Variants in SOX6 observed in about 807,000 individuals in gnomAD.
The protein encoded by SOX6 is transcription factor SOX-6.
SOX6 carries 11 observed loss-of-function variants against 97.8 expected under a neutral mutation model. The ratio of observed to expected loss-of-function variants is 0.11; its 90% confidence interval spans 0.07 to 0.19. The LOEUF (loss-of-function observed/expected upper bound fraction) is 0.19, where lower values mean the gene tolerates loss of function less well. SOX6 is among the 10% of genes least tolerant of loss of function. SOX6 has a pLI of 1.00. For missense variants in SOX6, 810 were observed against 1,039.5 expected (o/e 0.78, Z 3.04); for synonymous variants, 360 against 371.4 (o/e 0.97, Z 0.35).
At chr11:16,455,533 T>C (rs1244882984) in intron 1 of SOX6, among the ~76,000 whole-genome samples, 1 of 152,020 alleles carries the variant, frequency 6.6e-6, no homozygotes, top group Admixed American at 6.6e-5. Flanking sequence ...AGCTTGAAAA[T>C]AACTCCTTTG....
At chr11:16,168,868 T>C (rs1014529346) in intron 6 of SOX6, among the ~76,000 whole-genome samples, 1 of 152,158 alleles carries the variant, frequency 6.6e-6, no homozygotes, top group Non-Finnish European at 1.5e-5. Context: ...GATAATGAGA[T>C]GTAACCAAGT....
intron 4 of SOX6, among the ~76,000 whole-genome samples, chr11:16,491,416 G>A (rs1438188756): frequency 1.3e-5 from 2 of 152,070 alleles, no homozygotes; most frequent in African/African-American, 4.8e-5. Flanking sequence ...GTCATGGATT[G>A]GAAGACTCAA....
intron 9 of SOX6, among the ~76,000 whole-genome samples, chr11:16,086,950 A>G (rs1478640679): frequency 6.6e-6 from 1 of 152,234 alleles, no homozygotes; most frequent in East Asian, 1.9e-4. Flanking sequence ...TAACAAGAGA[A>G]GAATAAATTA....
intron 3 of SOX6, among the ~76,000 whole-genome samples, chr11:16,239,742 A>G (rs1384481282): frequency 6.6e-6 from 1 of 152,038 alleles, no homozygotes; most frequent in African/African-American, 2.4e-5. Flanking sequence ...CTTCTCAAGC[A>G]CTTGATCATT....
At chr11:16,496,114 T>C (rs1860590911) in intron 4 of SOX6, among the ~76,000 whole-genome samples, 1 of 151,662 alleles carries the variant, frequency 6.6e-6, no homozygotes, top group Admixed American at 6.6e-5. Context: ...ATTCAGAAAA[T>C]TAGAAGTAAT....
intron 4 of SOX6, among the ~76,000 whole-genome samples, chr11:16,539,695 C>T (rs927872236): frequency 2.6e-5 from 4 of 152,202 alleles, no homozygotes; most frequent in Admixed American, 1.3e-4. Context: ...ATAAACACCT[C>T]TATGCAAATA....
intron 4 of SOX6, among the ~76,000 whole-genome samples, chr11:16,496,449 TG>T (rs1193389108): frequency 6.6e-6 from 1 of 152,122 alleles, no homozygotes; most frequent in African/African-American, 2.4e-5. Flanking sequence ...TTCATCTCAC[TG>T]GGGAGTTTCG....
intron 3 of SOX6, among the ~76,000 whole-genome samples, chr11:16,651,589 A>G (rs989399731): frequency 3.9e-5 from 6 of 152,178 alleles, no homozygotes; most frequent in African/African-American, 1.4e-4. Flanking sequence ...TATGATTACA[A>G]CCCTCAGCAA....
intron 1 of SOX6, among the ~76,000 whole-genome samples, chr11:16,345,769 T>C (rs974784867): frequency 1.3e-5 from 2 of 152,056 alleles, no homozygotes; most frequent in African/African-American, 4.8e-5. Context: ...TTTTATGTGT[T>C]TAAAGTCAGG....
chr11:16,200,066 G>T (rs768292283), intron 4 of SOX6, among the ~76,000 whole-genome samples: 13 of 152,156 alleles, frequency 8.5e-5, no homozygotes, highest in Non-Finnish European at 1.5e-4. Context: ...TGGAGTCACA[G>T]ATGATTGATA....
chr11:16,175,209 A>C (rs1851152053), intron 6 of SOX6, among the ~76,000 whole-genome samples: 1 of 152,088 alleles, frequency 6.6e-6, no homozygotes, highest in Middle Eastern at 3.4e-3. Flanking sequence ...CACATGTAGA[A>C]TATGTACATG....
chr11:16,664,086 G>C (rs1316526477), intron 3 of SOX6, among the ~76,000 whole-genome samples: 2 of 151,962 alleles, frequency 1.3e-5, no homozygotes, highest in Non-Finnish European at 2.9e-5. Context: ...AACATAGCAA[G>C]ACCTCATCTC....
chr11:16,729,473 C>T (rs1015953201), intron 2 of SOX6, among the ~76,000 whole-genome samples: 1 of 152,128 alleles, frequency 6.6e-6, no homozygotes, highest in Non-Finnish European at 1.5e-5. Flanking sequence ...CATATCCAGC[C>T]AAACTAAGCT....
chr11:16,093,304 G>A (rs1484879078), intron 9 of SOX6, among the ~76,000 whole-genome samples: 4 of 151,914 alleles, frequency 2.6e-5, no homozygotes, highest in Non-Finnish European at 1.5e-5. Flanking sequence ...CTAATATTGT[G>A]CCCCTGAGGC....
chr11:16,122,670 A>G (rs1849521765), intron 6 of SOX6, among the ~76,000 whole-genome samples: 1 of 152,062 alleles, frequency 6.6e-6, no homozygotes, highest in Non-Finnish European at 1.5e-5. Flanking sequence ...GCAGGTTTAC[A>G]TCTTAAACTA....
chr11:16,196,902 C>T (rs1019742870), intron 4 of SOX6, among the ~76,000 whole-genome samples: 11 of 141,556 alleles, frequency 7.8e-5, no homozygotes, highest in African/African-American at 2.9e-4. Flanking sequence ...GGTGTGATCT[C>T]GGCTCACTGC....
At chr11:16,689,296 C>G (rs1477455868) in intron 3 of SOX6, among the ~76,000 whole-genome samples, 2 of 152,096 alleles carry the variant, frequency 1.3e-5, no homozygotes, top group Non-Finnish European at 2.9e-5. Context: ...GAAGCTCTAG[C>G]CACACTGACC....
intron 14 of SOX6, 136 bp downstream of exon 14, chr11:15,988,861 G>T: frequency 1.2e-6 from 1 of 814,954 alleles, no homozygotes; most frequent in Non-Finnish European, 2.0e-6. Flanking sequence ...TCCTGCGGCA[G>T]CTGGCTGACC....
At chr11:16,248,263 C>A (rs746647347) in intron 3 of SOX6, among the ~76,000 whole-genome samples, 8 of 147,178 alleles carry the variant, frequency 5.4e-5, no homozygotes, top group Non-Finnish European at 7.5e-5. Flanking sequence ...TTACCAGGCA[C>A]ACAGTGCAAG....
Sources: gnomAD v4.1 joint callset for allele counts (sites outside exome capture counted in the v4.1 genomes callset) on GRCh38, gnomAD v4.1.1 for gene constraint, MANE v1.5 for transcripts, NCBI Gene and HGNC (gene_info 2026-07-23, HGNC 2026-07-21) for gene names.